Variants in ABI3BP observed in about 807,000 individuals in gnomAD.
ABI3BP encodes the protein target of Nesh-SH3.
ABI3BP carries 216 observed loss-of-function variants against 268.6 expected under a neutral mutation model. That is an observed-to-expected ratio of 0.80 (90% confidence interval 0.72 to 0.90). The LOEUF (loss-of-function observed/expected upper bound fraction) is 0.90. Among genes scored for constraint, ABI3BP ranks in the 40% least tolerant of loss-of-function variants. ABI3BP has a pLI of 0.00. For synonymous variants in ABI3BP, 730 were observed against 730.0 expected (o/e 1.00, Z 0.00); for missense variants, 2,090 against 2,182.4 (o/e 0.96, Z 0.84).
At chr3:100,793,075 C>T (rs2097246011) in intron 54 of ABI3BP, among the ~76,000 whole-genome samples, 1 of 151,922 alleles carries the variant, frequency 6.6e-6, no homozygotes, top group African/African-American at 2.4e-5. Flanking sequence ...TGAAAGTCTC[C>T]TAGTTGCCTC....
intron 4 of ABI3BP, among the ~76,000 whole-genome samples, chr3:100,888,640 T>C (rs2043066631): frequency 6.6e-6 from 1 of 152,118 alleles, no homozygotes; most frequent in Non-Finnish European, 1.5e-5. Flanking sequence ...ATCCAGAGTG[T>C]AAATCTTTTC....
chr3:100,750,727 A>G, intron 67 of ABI3BP, 117 bp from the exon 68 acceptor site: 1 of 691,820 alleles, frequency 1.4e-6, no homozygotes, highest in Non-Finnish European at 2.4e-6. Context: ...AAGCGAGGTA[A>G]TTTAGAAAAC....
In ABI3BP at chr3:100,774,014, A is replaced by C. The variant is rs183162684; in HGVS notation, c.4531+591T>G. 2.4e-3 allele frequency among the ~76,000 whole-genome samples: 362 copies of C among 152,262 alleles called. 2 individuals carry two copies. Among genetic ancestry groups the C allele is most frequent in the Admixed American group, 6.2e-3 (95 of 15,290 alleles). On this transcript the variant is annotated intron_variant, in intron 61 of 67. Coordinates refer to ENST00000471714, the MANE Select transcript of ABI3BP (RefSeq NM_001375547.2). ...AAGTTATATATGGGTTATTATCTTG[A>C]TTGTGATGATGGTCTCATGGGTGTA...
At position 100,886,318 on chromosome 3, in the gene ABI3BP, T is replaced by C; in HGVS notation, c.467A>G (p.Tyr156Cys). Residue 156 changes from tyrosine (Y) to cysteine (C), a missense_variant, in exon 5 of 68, where the codon TAT (tyrosine) becomes TGT (cysteine). Physicochemically the swap from Tyr to Cys is radical, Grantham distance 194. Coordinates refer to ENST00000471714, the MANE Select transcript of ABI3BP (RefSeq NM_001375547.2). The stretch of plus-strand genomic sequence containing the variant: ...ATCCTTTTCTCGATAGCGAATTGTA[T>C]AAAATCTGTTGAATAACCAGAATAT... The part of the protein sequence containing the change: ...LPSHCPNDRF[Y>C]TIRYREKDKE... 1 of 1,584,422 alleles carries C rather than the reference T, an allele frequency of 6.3e-7. No individual in the cohort carries two copies. Among genetic ancestry groups the C allele is most frequent in the Non-Finnish European group, 8.6e-7 (1 of 1,165,140 alleles).
At chr3:100,937,693 T>C (rs1315286275) in intron 1 of ABI3BP, among the ~76,000 whole-genome samples, 1 of 152,040 alleles carries the variant, frequency 6.6e-6, no homozygotes, top group African/African-American at 2.4e-5. Context: ...AACATAAAGT[T>C]AGCAAGTCCT....
intron 1 of ABI3BP, among the ~76,000 whole-genome samples, chr3:100,969,190 C>A (rs772258976): frequency 6.6e-6 from 1 of 152,162 alleles, no homozygotes; most frequent in Admixed American, 6.5e-5. Context: ...CTGCAGTAAG[C>A]CACAAGGCAA....
At chr3:100,936,045 G>A (rs1280488806) in intron 1 of ABI3BP, among the ~76,000 whole-genome samples, 3 of 152,150 alleles carry the variant, frequency 2.0e-5, no homozygotes, top group African/African-American at 4.8e-5. Context: ...GGGCATCCTT[G>A]TCTTGTGCCA....
intron 3 of ABI3BP, among the ~76,000 whole-genome samples, chr3:100,899,598 G>T (rs930804218): frequency 6.6e-5 from 10 of 152,158 alleles, no homozygotes; most frequent in African/African-American, 2.4e-4. Flanking sequence ...TTGTGTTCAA[G>T]TACACAGAAG....
At chr3:100,985,077 T>G (rs1576416694) in intron 1 of ABI3BP, among the ~76,000 whole-genome samples, 1 of 152,078 alleles carries the variant, frequency 6.6e-6, no homozygotes. Context: ...CACACAAGTT[T>G]AATTAGACCT....
intron 31 of ABI3BP, among the ~76,000 whole-genome samples, chr3:100,831,751 C>T (rs1181785554): frequency 1.3e-5 from 2 of 152,140 alleles, no homozygotes; most frequent in Non-Finnish European, 2.9e-5. Flanking sequence ...TTCTAATTAT[C>T]CTGGACATTT....
At chr3:100,969,869 A>T (rs1400539077) in intron 1 of ABI3BP, among the ~76,000 whole-genome samples, 2 of 152,142 alleles carry the variant, frequency 1.3e-5, no homozygotes, top group African/African-American at 4.8e-5. Context: ...AAAATGCATT[A>T]TATACTTTTT....
At chr3:100,961,398 C>T (rs1363122574) in intron 1 of ABI3BP, among the ~76,000 whole-genome samples, 1 of 152,134 alleles carries the variant, frequency 6.6e-6, no homozygotes, top group African/African-American at 2.4e-5. Flanking sequence ...GTGAGGTTGA[C>T]CGCAATAAAC....
Position 100,898,885 on chromosome 3 carries a change from C to T in ABI3BP, c.338G>A (p.Arg113His), listed in dbSNP as rs182876905. 83 of 1,609,146 alleles carry T rather than the reference C, an allele frequency of 5.2e-5. No individual in the cohort carries two copies. Among genetic ancestry groups the T allele is most frequent in the East Asian group, 3.2e-4 (14 of 44,394 alleles). The change falls in exon 4 of 68, where the codon CGT becomes CAT. Residue 113 changes from arginine to histidine, a missense_variant. Arg to His is a conservative substitution (Grantham distance 29). Transcript: ENST00000471714. ...CACCAGCTGCAGAGGTTTGCGAGAACGAGTTTTACCTGTGGAGGTGGCATA... is the reference window on the plus strand; with the variant it reads ...CACCAGCTGCAGAGGTTTGCGAGAATGAGTTTTACCTGTGGAGGTGGCATA... The part of the protein sequence containing the change: ...SQKKSCSGKT[R>H]SRKPLQLVVG...
At chr3:100,856,577 A>G (rs1264017625) in intron 14 of ABI3BP, among the ~76,000 whole-genome samples, 1 of 152,198 alleles carries the variant, frequency 6.6e-6, no homozygotes, top group East Asian at 1.9e-4. Context: ...GACACTTGGG[A>G]GAAGAACAGG....
chr3:100,816,717 G>T lies in ABI3BP; in HGVS notation c.3200C>A (p.Ser1067Ter), dbSNP rs1286699960. 1.3e-6 allele frequency: 2 copies of T among 1,535,858 alleles called. No individual in the cohort carries two copies. The highest frequency in any genetic ancestry group is 1.7e-6 in the Non-Finnish European group (2 of 1,146,690). ...TTTGTTCTGAGGTACTTCAGGACTT[G>T]ATGTAGTTTTGGGTCTGGGACGGGG... ...RRPRPRPKTT[S>*]SPEVPQNKSV... The change falls in exon 43 of 68, where the codon TCA (serine) becomes TAA (stop). Residue 1067 changes from serine (S) to a stop codon, truncating the protein, a stop_gained. Transcript: ENST00000471714. LOFTEE classifies it high-confidence loss of function.
intron 1 of ABI3BP, among the ~76,000 whole-genome samples, chr3:100,978,900 C>G (rs929196850): frequency 2.0e-5 from 3 of 152,136 alleles, no homozygotes; most frequent in African/African-American, 7.2e-5. Context: ...GAATCAGAAT[C>G]TGATGTGAGT....
intron 1 of ABI3BP, among the ~76,000 whole-genome samples, chr3:100,985,354 T>C (rs1380679739): frequency 6.6e-6 from 1 of 151,870 alleles, no homozygotes; most frequent in Non-Finnish European, 1.5e-5. Context: ...TTTCACCATG[T>C]TAGCCAGGAT....
At position 100,862,589 on chromosome 3, in the gene ABI3BP, T is replaced by C. The variant is rs16842924; in HGVS notation, c.1211-204A>G. On this transcript the variant is annotated intron_variant, in intron 13 of 67. Transcript: ENST00000471714. ...ATTAGTGGTCAGAGAGAGACCAGAG[T>C]TTGGTGTCAGACTGTCAGCATTTTT... 4.1e-3 allele frequency: 2,357 copies of C among 577,058 alleles called. 92 individuals are homozygous for C. The East Asian group carries it at 0.061, about 15-fold the overall frequency. 35.7% of individuals were successfully genotyped at this position (577,058 alleles called of 1,614,324 possible).
chr3:100,834,544 C>T (rs2098546095), intron 29 of ABI3BP, 140 bp downstream of exon 29: 1 of 687,884 alleles, frequency 1.5e-6, no homozygotes, highest in East Asian at 2.8e-5. Flanking sequence ...CGCCAGAGCA[C>T]TGTGTTGGTA....
Sources: allele counts gnomAD v4.1 joint callset (sites outside exome capture counted in the v4.1 genomes callset), GRCh38; gene constraint gnomAD v4.1.1; transcripts MANE v1.5; gene names NCBI Gene and HGNC (gene_info 2026-07-23, HGNC 2026-07-21).